Variants in FSTL5 observed in about 807,000 individuals in gnomAD.
FSTL5 encodes the protein follistatin-related protein 5.
FSTL5 carries 62 observed loss-of-function variants against 89.1 expected under a neutral mutation model. The ratio of observed to expected loss-of-function variants is 0.70; its 90% CI spans 0.57 to 0.86. The LOEUF (loss-of-function observed/expected upper bound fraction) is 0.86, where lower values mean the gene tolerates loss of function less well. Among genes scored for constraint, FSTL5 ranks in the 40% least tolerant of loss-of-function variants. The pLI is 0.00. For synonymous variants in FSTL5, 383 were observed against 346.2 expected (o/e 1.11, Z -1.18); for missense variants, 1,057 against 1,001.6 (o/e 1.06, Z -0.75).
chr4:161,859,989 T>C (rs753534925), intron 4 of FSTL5, among the ~76,000 whole-genome samples: 31 of 152,246 alleles, frequency 2.0e-4, no homozygotes, highest in Admixed American at 7.9e-4. Context: ...TCAGAAGTAA[T>C]AGAGAGCATG....
intron 15 of FSTL5, among the ~76,000 whole-genome samples, chr4:161,444,226 T>C (rs1218530637): frequency 1.3e-5 from 2 of 152,016 alleles, no homozygotes; most frequent in African/African-American, 2.4e-5. Flanking sequence ...TAGGGCTGTG[T>C]CTGTGAGACT....
intron 1 of FSTL5, among the ~76,000 whole-genome samples, chr4:162,154,492 T>C (rs779051070): frequency 6.6e-5 from 10 of 152,164 alleles, no homozygotes; most frequent in Admixed American, 5.2e-4. Context: ...ATAATTACTA[T>C]GTTATCTATA....
At chr4:161,405,813 C>T (rs1418810208) in intron 15 of FSTL5, among the ~76,000 whole-genome samples, 1 of 152,084 alleles carries the variant, frequency 6.6e-6, no homozygotes, top group Non-Finnish European at 1.5e-5. Context: ...TCATCATGAA[C>T]AAAAGATCCT....
In FSTL5 at chr4:161,779,809, A is replaced by G. The variant is rs1390406732; in HGVS notation, c.410-3735T>C. Among the ~76,000 whole-genome samples the G allele has an allele frequency of 2.5e-3, 149 of 60,514 alleles. 9 individuals are homozygous for G. In the South Asian group the frequency reaches 0.04, roughly 16 times the overall value. 39.7% of individuals were successfully genotyped at this position (60,514 alleles called of 152,430 possible). A position where few individuals can be genotyped will look rare whatever the true frequency, so the allele number is the denominator to read the frequency against. ...TATATATATATATATATATATATAT[A>G]TGTATATATATATATATATATATAT... On this transcript the variant is annotated intron_variant, in intron 4 of 15. Transcript: ENST00000306100.
intron 4 of FSTL5, among the ~76,000 whole-genome samples, chr4:161,856,581 T>C (rs1731727943): frequency 2.0e-5 from 3 of 151,826 alleles, no homozygotes. Flanking sequence ...TCTCTCTTTA[T>C]AGAATTTATA....
At chr4:162,087,241 A>G (rs1730356871) in intron 2 of FSTL5, among the ~76,000 whole-genome samples, 1 of 152,112 alleles carries the variant, frequency 6.6e-6, no homozygotes, top group South Asian at 2.1e-4. Context: ...GAAACACTGC[A>G]ATTTATTTGA....
At chr4:161,880,806 T>C (rs1732602922) in intron 4 of FSTL5, among the ~76,000 whole-genome samples, 3 of 152,172 alleles carry the variant, frequency 2.0e-5, no homozygotes, top group Admixed American at 2.0e-4. Flanking sequence ...GGCCCCATAC[T>C]GTAGGACTCT....
intron 6 of FSTL5, among the ~76,000 whole-genome samples, chr4:161,656,995 GACCAAA>G (rs1187311833): frequency 6.6e-6 from 1 of 152,158 alleles, no homozygotes; most frequent in Non-Finnish European, 1.5e-5. Context: ...GAAGTTCGCT[GACCAAA>G]CAGCAATTAA....
In FSTL5 at chr4:162,108,148, T is replaced by C. The variant is rs148813126; in HGVS notation, c.126+3123A>G. On this transcript the variant is annotated intron_variant, in intron 2 of 15. Transcript: ENST00000306100. ...CACATGGGATAAAACATATGATCGG[T>C]TTCCTCTCTTATCTGTGGATTATAA... Among the ~76,000 whole-genome samples, 582 of 152,222 alleles carry C rather than the reference T, an allele frequency of 3.8e-3. 8 individuals are homozygous for C. The highest frequency in any genetic ancestry group is 0.013 in the African/African-American group (542 of 41,552).
intron 4 of FSTL5, among the ~76,000 whole-genome samples, chr4:161,802,415 C>A (rs963866151): frequency 5.9e-5 from 9 of 151,610 alleles, no homozygotes; most frequent in African/African-American, 1.9e-4. Flanking sequence ...AGGACACTGG[C>A]AAATGATGAG....
chr4:162,076,313 C>T (rs1434074188), intron 2 of FSTL5, among the ~76,000 whole-genome samples: 3 of 151,868 alleles, frequency 2.0e-5, no homozygotes, highest in Non-Finnish European at 1.5e-5. Context: ...GCATTAATTG[C>T]CTTCTTTTTC....
chr4:161,443,243 A>G (rs967226337), intron 15 of FSTL5, among the ~76,000 whole-genome samples: 15 of 151,964 alleles, frequency 9.9e-5, no homozygotes, highest in African/African-American at 3.6e-4. Flanking sequence ...CTCAAGGGCA[A>G]ATTTGTCTAG....
intron 3 of FSTL5, among the ~76,000 whole-genome samples, chr4:161,992,297 T>A (rs1015360860): frequency 6.6e-6 from 1 of 152,216 alleles, no homozygotes; most frequent in East Asian, 1.9e-4. Flanking sequence ...GATATTCTTC[T>A]AGGCAGAGGT....
chr4:161,905,871 A>G (rs1733508668), intron 4 of FSTL5, among the ~76,000 whole-genome samples: 1 of 152,164 alleles, frequency 6.6e-6, no homozygotes, highest in African/African-American at 2.4e-5. Flanking sequence ...TTGACATACA[A>G]ATTCTGAAGT....
intron 3 of FSTL5, among the ~76,000 whole-genome samples, chr4:161,965,671 A>G (rs892383028): frequency 6.6e-6 from 1 of 152,006 alleles, no homozygotes; most frequent in Non-Finnish European, 1.5e-5. Flanking sequence ...AGGATATTTA[A>G]ATGTATAAAA....
At chr4:161,389,318 T>C (rs1158410277) in intron 15 of FSTL5, among the ~76,000 whole-genome samples, 1 of 152,132 alleles carries the variant, frequency 6.6e-6, no homozygotes, top group Non-Finnish European at 1.5e-5. Flanking sequence ...ACTCTCAAAA[T>C]TACTGCTTTT....
At chr4:162,092,646 C>A (rs1018671116) in intron 2 of FSTL5, among the ~76,000 whole-genome samples, 16 of 151,882 alleles carry the variant, frequency 1.1e-4, no homozygotes, top group African/African-American at 3.6e-4. Flanking sequence ...TAACAACTGG[C>A]ACGTAATTCA....
rs1231644110 is a variant in FSTL5 at position 161,775,907 on chromosome 4, C to T, written c.577G>A (p.Gly193Arg). The change falls in exon 5 of 16, where the codon GGA becomes AGA. Residue 193 changes from glycine to arginine, a missense_variant. This residue lies in a region of FSTL5 where 980 missense variants were observed against 903.2 expected (regional missense o/e 1.08). Coordinates refer to ENST00000306100, the MANE Select transcript of FSTL5 (RefSeq NM_020116.5). ...GTTAGTTCATTAATATCTACAAGTCCATTACTGTCTGCATCAAAATATTTA... is the reference window on the plus strand; with the variant it reads ...GTTAGTTCATTAATATCTACAAGTCTATTACTGTCTGCATCAAAATATTTA... ...MFKYFDADSN[G>R]LVDINELTQV... is the part of the protein sequence containing the mutation. The T allele has an allele frequency of 1.3e-6, 2 of 1,586,084 alleles. No homozygotes were observed. The highest frequency in any genetic ancestry group is 1.7e-6 in the Non-Finnish European group (2 of 1,166,848).
chr4:161,918,308 C>T (rs1733894600), intron 4 of FSTL5, among the ~76,000 whole-genome samples: 1 of 151,910 alleles, frequency 6.6e-6, no homozygotes, highest in Admixed American at 6.6e-5. Flanking sequence ...GGCAAAACAC[C>T]AAGTTAAGTA....
Sources: allele counts gnomAD v4.1 joint callset (sites outside exome capture counted in the v4.1 genomes callset), GRCh38; gene constraint gnomAD v4.1.1; regional missense constraint gnomAD v4.1.1; transcripts MANE v1.5; gene names NCBI Gene and HGNC (gene_info 2026-07-23, HGNC 2026-07-21).